GALNT9: variants seen among roughly 807,000 people sequenced by gnomAD.
GALNT9 encodes the protein GalNAc transferase 9.
GALNT9 carries 47 observed loss-of-function variants against 63.1 expected under a neutral mutation model. The observed-to-expected ratio is 0.75, with a 90% CI of 0.59 to 0.95. The LOEUF is 0.95. Ranked by LOEUF, GALNT9 falls within the 40% of genes least tolerant of loss-of-function variation. GALNT9 has a pLI of 0.00. For synonymous variants in GALNT9, 396 were observed against 365.7 expected, an observed-to-expected ratio of 1.08 and a Z score of -0.94; for missense variants, 829 against 874.8, an observed-to-expected ratio of 0.95 and a Z score of 0.66.
In GALNT9 at chr12:132,245,946, C is replaced by T. The variant is rs532720487; in HGVS notation, c.1077+1964G>A. On this transcript the variant is annotated intron_variant, in intron 6 of 10. Transcript: ENST00000328957. This position sits in a 1 kb window ranked among gnomAD's most constrained non-coding sequence, Gnocchi z 6.3. ...CCCGTCCTCCCTCGCTCTTCGGCCT[C>T]GGTGGTGGCTGCGCACTGCCGGTCC... Among the ~76,000 whole-genome samples, 12 of 152,236 alleles carry T rather than the reference C, an allele frequency of 7.9e-5. No homozygotes were observed. Among genetic ancestry groups the T allele is most frequent in the Non-Finnish European group, 1.5e-4 (10 of 68,048 alleles).
In GALNT9 at chr12:132,263,512, G is replaced by A. The variant is rs192303342; in HGVS notation, c.420-887C>T. The stretch of plus-strand genomic sequence containing the variant: ...GAGGCACTCCCAGAGCCCAGGGGGA[G>A]GGGGGCAGGGCTGCTCAGAAAGCCT... On this transcript the variant is annotated intron_variant, in intron 2 of 10. Transcript: ENST00000328957. Among the ~76,000 whole-genome samples the A allele has an allele frequency of 7.4e-3, 1,120 of 152,252 alleles. 13 individuals carry two copies. The highest frequency in any genetic ancestry group is 0.025 in the African/African-American group (1,034 of 41,556).
chr12:132,269,701 C>T (rs1441526471), intron 2 of GALNT9, among the ~76,000 whole-genome samples: 1 of 152,164 alleles, frequency 6.6e-6, no homozygotes, highest in African/African-American at 2.4e-5. Context: ...AAATAGACGC[C>T]GCTGGGAACG....
chr12:132,311,365 A>G (rs1555245162), intron 1 of GALNT9, among the ~76,000 whole-genome samples: 1 of 152,146 alleles, frequency 6.6e-6, no homozygotes, highest in East Asian at 1.9e-4. Flanking sequence ...CCAAGCAACC[A>G]TCAAGGCCTG....
In GALNT9 at chr12:132,197,270, A is replaced by T. The variant is rs1196784325; in HGVS notation, c.1666-17T>A. ...GGGGCCACTCTGTGGGGACAGGCAC[A>T]TCAAGTCAGCCAGGTGCAGGCGTCC... On this transcript the variant is annotated splice_polypyrimidine_tract_variant and intron_variant, in intron 10 of 10. Transcript: ENST00000328957. 6.2e-7 allele frequency: 1 copy of T among 1,608,908 alleles called. No homozygotes were observed. Among genetic ancestry groups the T allele is most frequent in the African/African-American group, 1.3e-5 (1 of 74,876 alleles).
At chr12:132,303,180 C>T (rs1555244011) in intron 1 of GALNT9, among the ~76,000 whole-genome samples, 1 of 152,014 alleles carries the variant, frequency 6.6e-6, no homozygotes, top group African/African-American at 2.4e-5. Flanking sequence ...CCCCGTCAGA[C>T]CCTCCACCGC....
intron 6 of GALNT9, among the ~76,000 whole-genome samples, chr12:132,222,046 T>TG (rs1257444231): frequency 6.6e-6 from 1 of 152,132 alleles, no homozygotes; most frequent in African/African-American, 2.4e-5. Context: ...GGTAAGCCTG[T>TG]GACGAGGGCT....
chr12:132,211,860 C>T (rs1001506446), intron 6 of GALNT9, among the ~76,000 whole-genome samples: 1 of 152,250 alleles, frequency 6.6e-6, no homozygotes, highest in Admixed American at 6.5e-5. Flanking sequence ...CGTGCTCACA[C>T]ACTGCACCCC....
intron 1 of GALNT9, among the ~76,000 whole-genome samples, chr12:132,309,783 C>T (rs961081236): frequency 2.0e-5 from 3 of 152,226 alleles, no homozygotes; most frequent in Non-Finnish European, 2.9e-5. Context: ...GTCAGTGCTA[C>T]AGCAGCACCA....
intron 6 of GALNT9, among the ~76,000 whole-genome samples, chr12:132,211,647 C>T (rs369405524): frequency 1.4e-3 from 219 of 152,266 alleles, no homozygotes; most frequent in African/African-American, 4.9e-3. Context: ...GTGGTTTTCC[C>T]GAATATTCTC....
intron 6 of GALNT9, among the ~76,000 whole-genome samples, chr12:132,221,866 A>T (rs1877465866): frequency 6.6e-6 from 1 of 152,144 alleles, no homozygotes; most frequent in South Asian, 2.1e-4. Flanking sequence ...ATCGAATTTC[A>T]GCAAAAGGTT....
chr12:132,296,365 C>T lies in GALNT9; in HGVS notation c.239-9935G>A, dbSNP rs140894475. On this transcript the variant is annotated intron_variant, in intron 1 of 10. Transcript: ENST00000328957. The surrounding 1 kb of genome is among the most constrained non-coding windows in gnomAD (Gnocchi z 4.2). ...CAAGAGCAGGAGATGCCCACGCTCACCACCCCATCCACTGATGGCCCAGCT... is the reference window on the plus strand; with the variant it reads ...CAAGAGCAGGAGATGCCCACGCTCATCACCCCATCCACTGATGGCCCAGCT... 6.6e-5 allele frequency among the ~76,000 whole-genome samples: 10 copies of T among 152,344 alleles called. No individual in the cohort carries two copies. In the East Asian group the frequency reaches 1.9e-3, roughly 29 times the overall value.
intron 6 of GALNT9, among the ~76,000 whole-genome samples, chr12:132,211,144 G>T (rs149276835): frequency 4.3e-4 from 65 of 152,212 alleles, no homozygotes; most frequent in African/African-American, 8.9e-4. Context: ...TGCCTCATCC[G>T]CCACATTCAC....
rs1484291920 is a variant in GALNT9, at chr12:132,282,230, G to A, written c.419+4020C>T. Among the ~76,000 whole-genome samples the A allele has an allele frequency of 3.3e-5, 5 of 149,498 alleles. No homozygotes were observed. The highest frequency in any genetic ancestry group is 7.4e-5 in the Non-Finnish European group (5 of 67,580). ...AGAGGAATCAGCTCCACTGCAGCAA[G>A]GCCAGGCCTGGGGTCCCACATCCCA... On this transcript the variant is annotated intron_variant, in intron 2 of 10. Coordinates refer to ENST00000328957, the MANE Select transcript of GALNT9 (RefSeq NM_001122636.2). The surrounding 1 kb of genome is among the most constrained non-coding windows in gnomAD (Gnocchi z 4.5).
chr12:132,287,387 G>A (rs782416801), intron 1 of GALNT9, among the ~76,000 whole-genome samples: 32 of 152,126 alleles, frequency 2.1e-4, no homozygotes, highest in Non-Finnish European at 3.2e-4. Flanking sequence ...TATTTTAAAC[G>A]CCATGCCGCC....
rs1868513447 is a variant in GALNT9 at position 132,316,431 on chromosome 12, G to A, written c.238+12535C>T. ...TTAGTGCTATAGCTTCACTAAAAAA[G>A]GAAAAAGAAAGAAAAGGAATTTGCA... On this transcript the variant is annotated intron_variant, in intron 1 of 10. Coordinates refer to ENST00000328957, the MANE Select transcript of GALNT9 (RefSeq NM_001122636.2). This position sits in a 1 kb window ranked among gnomAD's most constrained non-coding sequence, Gnocchi z 4.3. Among the ~76,000 whole-genome samples, 1 of 152,088 alleles carries A rather than the reference G, an allele frequency of 6.6e-6. No homozygotes were observed. The highest frequency in any genetic ancestry group is 2.4e-5 in the African/African-American group (1 of 41,388).
At chr12:132,221,702 T>A (rs1453716550) in intron 6 of GALNT9, among the ~76,000 whole-genome samples, 1 of 136,438 alleles carries the variant, frequency 7.3e-6, no homozygotes. Context: ...AGATGGACAA[T>A]GTATGCAACG....
intron 7 of GALNT9, 99 bp downstream of exon 7, chr12:132,203,406 G>T: frequency 1.8e-6 from 2 of 1,100,578 alleles, no homozygotes; most frequent in Non-Finnish European, 1.3e-6. Flanking sequence ...ACTCACACCT[G>T]CAGGGGGCCC....
In GALNT9 at chr12:132,196,482, G is replaced by C; in HGVS notation, c.*625C>G. The C allele has an allele frequency of 1.0e-6, 1 of 985,538 alleles. No homozygotes were observed. Among genetic ancestry groups the C allele is most frequent in the Non-Finnish European group, 1.2e-6 (1 of 830,014 alleles). 61.0% of individuals were successfully genotyped at this position (985,538 alleles called of 1,614,324 possible). On this transcript the variant is annotated 3_prime_UTR_variant, in exon 11 of 11. Transcript: ENST00000328957. ...GGGACCGGGCCCCAACCCCCAGCTCGGCTCCCAGGAAGACACACACAGTGC... is the reference window on the plus strand; with the variant it reads ...GGGACCGGGCCCCAACCCCCAGCTCCGCTCCCAGGAAGACACACACAGTGC...
chr12:132,276,121 G>T (rs1410852558), intron 2 of GALNT9: 1 of 152,286 alleles, frequency 6.6e-6, no homozygotes, highest in African/African-American at 2.4e-5. Context: ...TTAAAGTTGT[G>T]CCCGGAGAGG....
Sources: allele counts gnomAD v4.1 joint callset (sites outside exome capture counted in the v4.1 genomes callset), GRCh38; gene constraint gnomAD v4.1.1; non-coding constraint Gnocchi (gnomAD v3.1); transcripts MANE v1.5; gene names NCBI Gene and HGNC (gene_info 2026-07-23, HGNC 2026-07-21).